UST: variants seen among roughly 807,000 people sequenced by gnomAD.
UST encodes the protein uronyl 2-sulfotransferase.
In UST, 21 loss-of-function variants were observed where a neutral mutation model predicts 45.6. That is an observed-to-expected ratio of 0.46 (90% CI 0.33 to 0.66). UST has a LOEUF of 0.66. Ranked by LOEUF, UST falls within the 30% of genes least tolerant of loss-of-function variation. The pLI is 0.02. For synonymous variants in UST, 215 were observed against 200.6 expected (o/e 1.07, Z -0.61); for missense variants, 463 against 512.4 (o/e 0.90, Z 0.93).
At chr6:149,071,012 T>C (rs1012578029) in intron 7 of UST, among the ~76,000 whole-genome samples, 4 of 152,198 alleles carry the variant, frequency 2.6e-5, no homozygotes, top group African/African-American at 9.7e-5. Context: ...GTGATCCACC[T>C]GCCTCGTCCT....
At chr6:148,761,519 G>T (rs908933240) in intron 1 of UST, among the ~76,000 whole-genome samples, 2 of 116,752 alleles carry the variant, frequency 1.7e-5, no homozygotes, top group Non-Finnish European at 1.8e-5. Context: ...ATCCGACAAC[G>T]TGCCAAAAAA....
Position 148,747,477 on chromosome 6 carries a change from C to T in UST, c.47C>T (p.Pro16Leu). 2 of 1,479,820 alleles carry T rather than the reference C, an allele frequency of 1.4e-6. No individual in the cohort carries two copies. Among genetic ancestry groups the T allele is most frequent in the Non-Finnish European group, 1.8e-6 (2 of 1,114,730 alleles). The allele number at this position is 1,479,820 out of a possible 1,614,324, so 91.7% of individuals were successfully genotyped here. A position where few individuals can be genotyped will look rare whatever the true frequency, so the allele number is the denominator to read the frequency against. Residue 16 changes from proline to leucine, a missense_variant, in exon 1 of 8, where the codon CCC (proline) becomes CTC (leucine). Physicochemically the swap from Pro to Leu is moderately conservative, Grantham distance 98 (BLOSUM62 -3). Coordinates refer to ENST00000367463, the MANE Select transcript of UST (RefSeq NM_005715.3). Reference sequence around the variant, plus strand: ...CCCGGCGGCGGCGCGGATCCCTGGCCCCATGGGGCCCCTATGGGGGGCGCC... The same window carrying T: ...CCCGGCGGCGGCGCGGATCCCTGGCTCCATGGGGCCCCTATGGGGGGCGCC... ...QHPGGGADPWPHGAPMGGAPP... is the reference protein window; with the variant it reads ...QHPGGGADPWLHGAPMGGAPP...
chr6:148,844,367 T>C (rs1018598828), intron 1 of UST, among the ~76,000 whole-genome samples: 1 of 152,224 alleles, frequency 6.6e-6, no homozygotes, highest in Non-Finnish European at 1.5e-5. Context: ...ATTTCAAAGA[T>C]GCAGTAGGAA....
intron 5 of UST, among the ~76,000 whole-genome samples, chr6:148,969,492 G>C (rs1005311130): frequency 6.6e-6 from 1 of 152,182 alleles, no homozygotes; most frequent in African/African-American, 2.4e-5. Flanking sequence ...TGTCTCATCT[G>C]TACAATGGGA....
In UST at chr6:148,998,616, C is replaced by A. The variant is rs114567722; in HGVS notation, c.682-20523C>A. On this transcript the variant is annotated intron_variant, in intron 5 of 7. Coordinates refer to ENST00000367463, the MANE Select transcript of UST (RefSeq NM_005715.3). ...CACACTGCCCCTCCTAGAGAAAACTCACAATGGTGATCTCTCCATTTTCTG... is the reference window on the plus strand; with the variant it reads ...CACACTGCCCCTCCTAGAGAAAACTAACAATGGTGATCTCTCCATTTTCTG... 2.3e-3 allele frequency among the ~76,000 whole-genome samples: 344 copies of A among 152,304 alleles called. 3 individuals carry two copies. The highest frequency in any genetic ancestry group is 7.9e-3 in the African/African-American group (327 of 41,578).
intron 1 of UST, among the ~76,000 whole-genome samples, chr6:148,810,685 C>T (rs1197312700): frequency 7.2e-5 from 11 of 152,196 alleles, no homozygotes; most frequent in Admixed American, 7.2e-4. Flanking sequence ...TTTCTCTCTA[C>T]AGTCCCTAAA....
intron 7 of UST, among the ~76,000 whole-genome samples, chr6:149,026,201 C>T (rs1467111760): frequency 1.3e-5 from 2 of 150,710 alleles, no homozygotes; most frequent in Non-Finnish European, 2.9e-5. Flanking sequence ...GTCCCAGCTA[C>T]TGGGCAGGCT....
At chr6:149,007,613 G>C (rs955108300) in intron 5 of UST, among the ~76,000 whole-genome samples, 1 of 150,298 alleles carries the variant, frequency 6.7e-6, no homozygotes, top group Non-Finnish European at 1.5e-5. Flanking sequence ...TAGTAGAGAC[G>C]GGGTTTCACC....
At chr6:148,935,559 C>T (rs1333738192) in intron 2 of UST, among the ~76,000 whole-genome samples, 1 of 152,156 alleles carries the variant, frequency 6.6e-6, no homozygotes, top group African/African-American at 2.4e-5. Context: ...CTTTAAAAGT[C>T]TTTTCACAGT....
intron 1 of UST, among the ~76,000 whole-genome samples, chr6:148,802,570 TTC>T (rs377012646): frequency 6.6e-6 from 1 of 152,130 alleles, no homozygotes; most frequent in Non-Finnish European, 1.5e-5. Flanking sequence ...TGATTTCATT[TTC>T]TCTCTCTCTC....
chr6:149,043,022 T>TC (rs748929032), intron 7 of UST, among the ~76,000 whole-genome samples: 21 of 118,090 alleles, frequency 1.8e-4, no homozygotes, highest in East Asian at 1.7e-3. Context: ...TTTCTTTCTT[T>TC]TTCTTTCTTT....
At chr6:148,777,195 G>C (rs560500479) in intron 1 of UST, among the ~76,000 whole-genome samples, 1 of 152,286 alleles carries the variant, frequency 6.6e-6, no homozygotes, top group East Asian at 1.9e-4. Flanking sequence ...ATGAATAAGG[G>C]AACAGCGTGC....
chr6:148,950,638 C>A (rs1780346508), intron 3 of UST, among the ~76,000 whole-genome samples: 1 of 152,186 alleles, frequency 6.6e-6, no homozygotes, highest in African/African-American at 2.4e-5. Flanking sequence ...CCTTTTGTAT[C>A]TGCTCTTCAT....
chr6:148,769,941 A>G (rs528115965), intron 1 of UST, among the ~76,000 whole-genome samples: 2 of 151,394 alleles, frequency 1.3e-5, no homozygotes, highest in South Asian at 4.2e-4. Context: ...GGCTATTTTT[A>G]TGCATTTCCT....
At chr6:148,910,476 C>T (rs889967634) in intron 2 of UST, among the ~76,000 whole-genome samples, 5 of 152,042 alleles carry the variant, frequency 3.3e-5, no homozygotes, top group African/African-American at 1.2e-4. Flanking sequence ...CCTTCAGAAC[C>T]CTGTTCAGGG....
intron 7 of UST, among the ~76,000 whole-genome samples, chr6:149,045,182 A>G (rs1277407001): frequency 6.6e-6 from 1 of 152,116 alleles, no homozygotes; most frequent in Non-Finnish European, 1.5e-5. Context: ...CTTTCTGGCT[A>G]TAAGCAGTAG....
chr6:149,049,095 T>C lies in UST; in HGVS notation c.938-24738T>C, dbSNP rs59743253. ...ATCAAATTGTATATTAAAATTGATG[T>C]GTTAATTAAATGTAAGTGATTCTTT... On this transcript the variant is annotated intron_variant, in intron 7 of 7. Coordinates refer to ENST00000367463, the MANE Select transcript of UST (RefSeq NM_005715.3). 5.0e-3 allele frequency among the ~76,000 whole-genome samples: 763 copies of C among 152,274 alleles called. 8 individuals are homozygous for C. The highest frequency in any genetic ancestry group is 0.017 in the African/African-American group (712 of 41,546).
chr6:148,810,740 A>T (rs558899153), intron 1 of UST, among the ~76,000 whole-genome samples: 2 of 152,226 alleles, frequency 1.3e-5, no homozygotes, highest in Admixed American at 6.5e-5. Flanking sequence ...AATTTTTTTT[A>T]AAAAGCCTAT....
intron 2 of UST, among the ~76,000 whole-genome samples, chr6:148,890,386 CT>C (rs1778993600): frequency 6.6e-6 from 1 of 152,152 alleles, no homozygotes; most frequent in African/African-American, 2.4e-5. Context: ...TCACACATGC[CT>C]GGCCTCTGGA....
Sources: allele counts gnomAD v4.1 joint callset (sites outside exome capture counted in the v4.1 genomes callset), GRCh38; gene constraint gnomAD v4.1.1; transcripts MANE v1.5; gene names NCBI Gene and HGNC (gene_info 2026-07-23, HGNC 2026-07-21).